The following NOLC1 variants were observed in gnomAD, a reference collection of about 807,000 sequenced individuals.
The protein encoded by NOLC1 is 140 kDa nucleolar phosphoprotein.
A neutral mutation model predicts 73.4 loss-of-function variants in NOLC1; 37 were observed. That is an observed-to-expected ratio of 0.50 (90% CI 0.39 to 0.66). NOLC1 has a LOEUF of 0.66. Among genes scored for constraint, NOLC1 ranks in the 30% least tolerant of loss-of-function variants. The probability of loss-of-function intolerance (pLI) is 0.00; values close to 1 mark genes in which losing one functional copy is unlikely to be tolerated. For missense variants in NOLC1, 921 were observed against 838.9 expected (o/e 1.10, Z -1.21); for synonymous variants, 327 against 302.6 (o/e 1.08, Z -0.84).
At chr10:102,155,960 G>A (rs945426047) in intron 1 of NOLC1, among the ~76,000 whole-genome samples, 4 of 151,456 alleles carry the variant, frequency 2.6e-5, no homozygotes, top group Non-Finnish European at 4.4e-5. Flanking sequence ...GGGTTCAAAC[G>A]ATTCTTCTGC....
intron 1 of NOLC1, 111 bp from the exon 2 acceptor site, chr10:102,156,908 A>C (rs2069605124): frequency 4.0e-6 from 4 of 1,012,450 alleles, no homozygotes; most frequent in Non-Finnish European, 6.0e-6. Context: ...AAGTTTTATG[A>C]AGATGTAACA....
intron 10 of NOLC1, 43 bp downstream of exon 10, chr10:102,161,136 A>C (rs371736786): frequency 1.9e-6 from 3 of 1,546,584 alleles, no homozygotes; most frequent in Admixed American, 2.0e-5. Context: ...TGTCCCCCCA[A>C]ATCAGGATGG....
In NOLC1 at chr10:102,161,002, T is replaced by A. The variant is rs1465979412; in HGVS notation, c.1650T>A (p.Ser550=). 1 of 1,613,970 alleles carries A rather than the reference T, an allele frequency of 6.2e-7. No individual in the cohort carries two copies. Among genetic ancestry groups the A allele is most frequent in the Admixed American group, 1.7e-5 (1 of 59,988 alleles). The stretch of plus-strand genomic sequence containing the variant: ...AAGCCCCCAAGGCCAATGGCACCTC[T>A]GCACTGACTGCCCAGAATGGAAAAG... The part of the protein sequence containing the change: ...RPQAPKANGT[S]ALTAQNGKAA... Residue 550 remains serine, a synonymous_variant, in exon 10 of 13, where the codon TCT becomes TCA. Transcript: ENST00000605788.
intron 1 of NOLC1, among the ~76,000 whole-genome samples, chr10:102,154,242 T>C (rs2069553980): frequency 6.8e-6 from 1 of 147,660 alleles, no homozygotes; most frequent in South Asian, 2.1e-4. Context: ...TGGCTAATTT[T>C]TTTTTTTTTT....
In NOLC1 at chr10:102,162,453, A is replaced by G; in HGVS notation, c.*184A>G. 2 of 492,808 alleles carry G rather than the reference A, an allele frequency of 4.1e-6. No homozygotes were observed. The highest frequency in any genetic ancestry group is 6.8e-6 in the Non-Finnish European group (2 of 293,164). 30.5% of individuals were successfully genotyped at this position (492,808 alleles called of 1,614,324 possible). A position where few individuals can be genotyped will look rare whatever the true frequency, so the allele number is the denominator to read the frequency against. On this transcript the variant is annotated 3_prime_UTR_variant, in exon 13 of 13. Coordinates refer to ENST00000605788, the MANE Select transcript of NOLC1 (RefSeq NM_004741.5). ...TTTCTGTGTTCCTAGTTTTGTACAG[A>G]CTTGTTTTTGAGTGTTGAGTAGCAG... is the stretch of plus-strand genomic sequence containing the variant.
rs756458873 is a variant in NOLC1, at chr10:102,161,067, A to G, written c.1715A>G (p.Lys572Arg). Residue 572 changes from lysine (K) to arginine (R), a missense_variant, in exon 10 of 13, where the codon AAG becomes AGG. By Grantham distance (26) the Lys-to-Arg change is conservative (BLOSUM62 2). Coordinates refer to ENST00000605788, the MANE Select transcript of NOLC1 (RefSeq NM_004741.5). The part of the protein sequence containing the change: ...NSEEEEEEKK[K>R]AAVVVSKSGS... ...GAGGAGGAGGAAGAAGAAAAGAAAAAGGCGGCAGTGGTAGTTTCCAAATCA... is the reference window on the plus strand; with the variant it reads ...GAGGAGGAGGAAGAAGAAAAGAAAAGGGCGGCAGTGGTAGTTTCCAAATCA... 102 of 1,609,162 alleles carry G rather than the reference A, an allele frequency of 6.3e-5. No homozygotes were observed. The highest frequency in any genetic ancestry group is 3.6e-4 in the South Asian group (33 of 90,690).
rs953254299 is a variant in NOLC1 at position 102,160,673 on chromosome 10, A to G, written c.1321A>G (p.Met441Val). ...CAGTGAGGAGGAGAAGACAAAGAAGATGGTGGCCACCACTAAGCCCAAGGC... is the reference window on the plus strand; with the variant it reads ...CAGTGAGGAGGAGAAGACAAAGAAGGTGGTGGCCACCACTAAGCCCAAGGC... ...SSSEEEKTKK[M>V]VATTKPKATA... Residue 441 changes from methionine to valine, a missense_variant, in exon 10 of 13, where the codon ATG becomes GTG. By Grantham distance (21) the Met-to-Val change is conservative. Coordinates refer to ENST00000605788, the MANE Select transcript of NOLC1 (RefSeq NM_004741.5). 6.2e-7 allele frequency: 1 copy of G among 1,614,076 alleles called. No homozygotes were observed. The highest frequency in any genetic ancestry group is 1.3e-5 in the African/African-American group (1 of 74,928).
rs576779009 is a variant in NOLC1 at position 102,158,771 on chromosome 10, C to T, written c.608-422C>T. 1.9e-4 allele frequency among the ~76,000 whole-genome samples: 29 copies of T among 152,164 alleles called. 2 individuals are homozygous for T. The South Asian group carries it at 5.8e-3, about 30-fold the overall frequency. On this transcript the variant is annotated intron_variant, in intron 5 of 12. Coordinates refer to ENST00000605788, the MANE Select transcript of NOLC1 (RefSeq NM_004741.5). Reference sequence around the variant, plus strand: ...TGTGGTAAACCATGGCTGGCATTCTCCTCGATGGCTGCTCTAAAGTTGAAA... The same window carrying T: ...TGTGGTAAACCATGGCTGGCATTCTTCTCGATGGCTGCTCTAAAGTTGAAA...
rs1432014748 is a variant in NOLC1, at chr10:102,162,733, T to C, written c.*464T>C. ...GCCTTTGTGAGTGCACATGTCCACA[T>C]TTCATCCCTCCTTCCCTCAAAACCC... On this transcript the variant is annotated 3_prime_UTR_variant, in exon 13 of 13. Transcript: ENST00000605788. The C allele has an allele frequency of 3.3e-5, 5 of 153,334 alleles. No homozygotes were observed. Among genetic ancestry groups the C allele is most frequent in the African/African-American group, 1.2e-4 (5 of 41,458 alleles). 9.5% of individuals were successfully genotyped at this position (153,334 alleles called of 1,614,324 possible). A position where few individuals can be genotyped will look rare whatever the true frequency, so the allele number is the denominator to read the frequency against.
intron 1 of NOLC1, among the ~76,000 whole-genome samples, chr10:102,156,483 A>G (rs2069596504): frequency 6.6e-6 from 1 of 150,776 alleles, no homozygotes; most frequent in African/African-American, 2.4e-5. Flanking sequence ...GCTGGAGTGC[A>G]GTGGCGCGAT....
chr10:102,156,975 C>T, intron 1 of NOLC1, 44 bp from the exon 2 acceptor site: 1 of 1,577,180 alleles, frequency 6.3e-7, no homozygotes, highest in African/African-American at 1.3e-5. Flanking sequence ...GAAAGCATAA[C>T]CAGGATAAAA....
In NOLC1 at chr10:102,152,539, C is replaced by T. The variant is rs754035972; in HGVS notation, c.120+9C>T. 40 of 1,613,328 alleles carry T rather than the reference C, an allele frequency of 2.5e-5. No individual in the cohort carries two copies. The highest frequency in any genetic ancestry group is 3.3e-5 in the Admixed American group (2 of 60,008). On this transcript the variant is annotated intron_variant, in intron 1 of 12. Coordinates refer to ENST00000605788, the MANE Select transcript of NOLC1 (RefSeq NM_004741.5). The stretch of plus-strand genomic sequence containing the variant: ...CCAAAGCGACAGGAGCTGTGAGTTC[C>T]GGGCTTGGGGCGGGGACCGGGCTGA...
rs754092655 is a variant in NOLC1 at position 102,159,421 on chromosome 10, TTTC to T, written c.724-10_724-8del. On this transcript the variant is annotated splice_polypyrimidine_tract_variant and intron_variant, in intron 6 of 12. Coordinates refer to ENST00000605788, the MANE Select transcript of NOLC1 (RefSeq NM_004741.5). The stretch of plus-strand genomic sequence containing the variant: ...CATTTTCCTGTGGTAATCAATTTTC[TTTC>T]TAATGCAGACTGTACCTAAAAAGCA... The T allele has an allele frequency of 1.2e-6, 2 of 1,613,882 alleles. No homozygotes were observed. The highest frequency in any genetic ancestry group is 1.7e-6 in the Non-Finnish European group (2 of 1,179,938).
rs1263713802 is a variant in NOLC1, at chr10:102,159,915, C to G, written c.879C>G (p.Pro293=). 1 of 1,601,764 alleles carries G rather than the reference C, an allele frequency of 6.2e-7. No homozygotes were observed. The highest frequency in any genetic ancestry group is 8.5e-7 in the Non-Finnish European group (1 of 1,174,474). Residue 293 remains proline, a synonymous_variant, in exon 8 of 13, where the codon CCC becomes CCG. Coordinates refer to ENST00000605788, the MANE Select transcript of NOLC1 (RefSeq NM_004741.5). ...AAACAGGTCCCTACAGTTCAGTCCC[C>G]CCGCCTTCTGCTCCCCCACCAAAGA... The part of the protein sequence containing the change: ...KNKPGPYSSV[P]PPSAPPPKKS...
chr10:102,158,940 T>A (rs986654295), intron 5 of NOLC1, among the ~76,000 whole-genome samples: 2 of 151,278 alleles, frequency 1.3e-5, no homozygotes, highest in Non-Finnish European at 3.0e-5. Context: ...ACTAAAAATA[T>A]AAAAATTAGC....
At position 102,158,033 on chromosome 10, in the gene NOLC1, G is replaced by T; in HGVS notation, c.442-16G>T. 6.2e-7 allele frequency: 1 copy of T among 1,610,160 alleles called. No individual in the cohort carries two copies. Among genetic ancestry groups the T allele is most frequent in the Non-Finnish European group, 8.5e-7 (1 of 1,178,506 alleles). On this transcript the variant is annotated splice_polypyrimidine_tract_variant and intron_variant, in intron 4 of 12. Transcript: ENST00000605788. Reference sequence around the variant, plus strand: ...GAAGCTTTTGCTGATTTCTCTCCTTGTGTCTTTTCTAACAGAAGGGAGTTA... The same window carrying T: ...GAAGCTTTTGCTGATTTCTCTCCTTTTGTCTTTTCTAACAGAAGGGAGTTA...
rs2069661235 is a variant in NOLC1 at position 102,159,460 on chromosome 10, A to G, written c.751A>G (p.Lys251Glu). 1 of 1,614,212 alleles carries G rather than the reference A, an allele frequency of 6.2e-7. No individual in the cohort carries two copies. The highest frequency in any genetic ancestry group is 1.3e-5 in the African/African-American group (1 of 75,050). Residue 251 changes from lysine to glutamate, a missense_variant, in exon 7 of 13, where the codon AAG (lysine) becomes GAG (glutamate). By Grantham distance (56) the Lys-to-Glu change is moderately conservative. Coordinates refer to ENST00000605788, the MANE Select transcript of NOLC1 (RefSeq NM_004741.5). Reference protein sequence around the residue: ...KTVPKKQVVAKAPVKAATTPT... With the variant: ...KTVPKKQVVAEAPVKAATTPT... ...TGTACCTAAAAAGCAAGTTGTGGCC[A>G]AGGCCCCAGTGAAAGCAGCTACCAC...
In NOLC1 at chr10:102,161,682, T is replaced by C. The variant is rs770748889; in HGVS notation, c.1848+20T>C. ...AAGAAAGTAAGTTGTCTCACTTTCT[T>C]CTCAGGAGCCAGCTCTTTAAAAGTA... On this transcript the variant is annotated intron_variant, in intron 11 of 12. Coordinates refer to ENST00000605788, the MANE Select transcript of NOLC1 (RefSeq NM_004741.5). 1.3e-6 allele frequency: 2 copies of C among 1,599,570 alleles called. No homozygotes were observed. Among genetic ancestry groups the C allele is most frequent in the South Asian group, 2.2e-5 (2 of 90,438 alleles).
chr10:102,160,698 C>G lies in NOLC1; in HGVS notation c.1346C>G (p.Ala449Gly). The G allele has an allele frequency of 6.2e-7, 1 of 1,614,070 alleles. No individual in the cohort carries two copies. The highest frequency in any genetic ancestry group is 8.5e-7 in the Non-Finnish European group (1 of 1,179,948). Residue 449 changes from alanine to glycine, a missense_variant, in exon 10 of 13, where the codon GCG (alanine) becomes GGG (glycine). Physicochemically the swap from Ala to Gly is moderately conservative, Grantham distance 60. Transcript: ENST00000605788. Reference sequence around the variant, plus strand: ...ATGGTGGCCACCACTAAGCCCAAGGCGACTGCCAAAGCAGCTCTATCTCTG... The same window carrying G: ...ATGGTGGCCACCACTAAGCCCAAGGGGACTGCCAAAGCAGCTCTATCTCTG... ...KKMVATTKPK[A>G]TAKAALSLPA... is the part of the protein sequence containing the mutation.
Sources: gnomAD v4.1 joint callset for allele counts (sites outside exome capture counted in the v4.1 genomes callset) on GRCh38, gnomAD v4.1.1 for gene constraint, MANE v1.5 for transcripts, NCBI Gene and HGNC (gene_info 2026-07-23, HGNC 2026-07-21) for gene names.